USP46: variants seen among roughly 807,000 people sequenced by gnomAD.
USP46 encodes ubiquitin specific peptidase 46.
In USP46, 12 loss-of-function variants were observed where a neutral mutation model predicts 44.4. That is an observed-to-expected ratio of 0.27 (90% CI 0.17 to 0.44). The LOEUF (loss-of-function observed/expected upper bound fraction) is 0.44, where lower values mean the gene tolerates loss of function less well. Among genes scored for constraint, USP46 ranks in the 20% least tolerant of loss-of-function variants. The pLI, the probability that USP46 is intolerant of heterozygous loss-of-function variation, is 1.00. For missense variants in USP46, 248 were observed against 444.8 expected (o/e 0.56, Z 3.98); for synonymous variants, 155 against 161.5 (o/e 0.96, Z 0.31).
intron 1 of USP46, among the ~76,000 whole-genome samples, chr4:52,658,537 C>A (rs969892201): frequency 6.6e-6 from 1 of 152,208 alleles, no homozygotes; most frequent in Non-Finnish European, 1.5e-5. Context: ...CTGAGGCATG[C>A]GGAGCAAATT....
At chr4:52,648,988 A>G (rs537919838) in intron 1 of USP46, among the ~76,000 whole-genome samples, 57 of 152,342 alleles carry the variant, frequency 3.7e-4, no homozygotes, top group African/African-American at 1.3e-3. Context: ...CAATGATTAG[A>G]AGAGTCCTGT....
At chr4:52,610,341 A>C (rs936968187) in intron 5 of USP46, among the ~76,000 whole-genome samples, 200 bp downstream of exon 5, 2 of 151,928 alleles carry the variant, frequency 1.3e-5, no homozygotes, top group Non-Finnish European at 2.9e-5. Context: ...TTGACTAATG[A>C]CTTCCATTTT....
intron 4 of USP46, among the ~76,000 whole-genome samples, chr4:52,617,967 A>G (rs975348477): frequency 2.6e-5 from 4 of 152,264 alleles, no homozygotes; most frequent in Non-Finnish European, 5.9e-5. Flanking sequence ...GTTTAAAAGC[A>G]TAAAGAGACC....
At chr4:52,624,456 C>T (rs1415620451) in intron 4 of USP46, among the ~76,000 whole-genome samples, 2 of 152,038 alleles carry the variant, frequency 1.3e-5, no homozygotes, top group Non-Finnish European at 2.9e-5. Flanking sequence ...GGAAGATTAC[C>T]GGTAACTTTT....
At chr4:52,643,676 G>A (rs1413264279) in intron 1 of USP46, among the ~76,000 whole-genome samples, 1 of 152,220 alleles carries the variant, frequency 6.6e-6, no homozygotes, top group Non-Finnish European at 1.5e-5. Flanking sequence ...AACTTGGGAA[G>A]CAGGGGAAAA....
chr4:52,609,887 C>T (rs941195936), intron 5 of USP46, among the ~76,000 whole-genome samples: 3 of 93,908 alleles, frequency 3.2e-5, no homozygotes, highest in Admixed American at 1.2e-4. Flanking sequence ...ACCTAAACCT[C>T]AATTCTATTT....
At chr4:52,645,383 G>A (rs1356419528) in intron 1 of USP46, among the ~76,000 whole-genome samples, 3 of 152,170 alleles carry the variant, frequency 2.0e-5, no homozygotes, top group Non-Finnish European at 4.4e-5. Context: ...CATCTAGAAA[G>A]AAGCTGTGGC....
At chr4:52,653,171 T>C (rs1718829572) in intron 1 of USP46, among the ~76,000 whole-genome samples, 1 of 152,106 alleles carries the variant, frequency 6.6e-6, no homozygotes, top group Non-Finnish European at 1.5e-5. Flanking sequence ...CCAAAAACCC[T>C]TTACTGTTAG....
chr4:52,634,051 G>A (rs576970298), intron 1 of USP46, among the ~76,000 whole-genome samples: 2 of 152,246 alleles, frequency 1.3e-5, no homozygotes, highest in East Asian at 3.9e-4. Flanking sequence ...GCTGGGCCCT[G>A]ATCCTTGGCG....
chr4:52,599,439 G>T (rs921504146), intron 7 of USP46, among the ~76,000 whole-genome samples: 2 of 152,156 alleles, frequency 1.3e-5, no homozygotes, highest in African/African-American at 4.8e-5. Flanking sequence ...GAAGACCAGA[G>T]GGGGCTGAGG....
intron 1 of USP46, among the ~76,000 whole-genome samples, chr4:52,643,824 C>T (rs527484082): frequency 2.0e-5 from 3 of 152,324 alleles, no homozygotes; most frequent in African/African-American, 4.8e-5. Flanking sequence ...CCCAAGCTCA[C>T]TCAGCCAATA....
At chr4:52,653,447 G>A (rs1718840375) in intron 1 of USP46, among the ~76,000 whole-genome samples, 3 of 143,528 alleles carry the variant, frequency 2.1e-5, no homozygotes, top group Admixed American at 7.3e-5. Flanking sequence ...AGAGGTTGCA[G>A]TGAAGCCATC....
chr4:52,603,497 T>A (rs1270689624), intron 6 of USP46, among the ~76,000 whole-genome samples: 2 of 152,124 alleles, frequency 1.3e-5, no homozygotes, highest in Non-Finnish European at 2.9e-5. Flanking sequence ...CTGCCTTGAA[T>A]ACTCCAGAAC....
At chr4:52,609,894 ATTTCTTTTTTTT>A (rs1716863591) in intron 5 of USP46, among the ~76,000 whole-genome samples, 1 of 20,646 alleles carries the variant, frequency 4.8e-5, no homozygotes, top group Admixed American at 5.2e-4. Flanking sequence ...CCTCAATTCT[ATTTCTTTTTTTT>A]TTTTTTTTTT....
intron 1 of USP46, among the ~76,000 whole-genome samples, chr4:52,656,744 G>A (rs1215633932): frequency 6.6e-6 from 1 of 152,154 alleles, no homozygotes; most frequent in African/African-American, 2.4e-5. Flanking sequence ...GCCAACATGT[G>A]TTAGAACCAG....
chr4:52,608,641 C>A (rs970082371), intron 5 of USP46, among the ~76,000 whole-genome samples: 5 of 152,216 alleles, frequency 3.3e-5, no homozygotes, highest in Admixed American at 3.3e-4. Flanking sequence ...AATGCCCAAT[C>A]CCGCACCCCT....
At chr4:52,632,108 C>T (rs184997730) in intron 1 of USP46, among the ~76,000 whole-genome samples, 2 of 152,236 alleles carry the variant, frequency 1.3e-5, no homozygotes, top group East Asian at 3.9e-4. Flanking sequence ...ATCCCCATTG[C>T]ACGGACAAGG....
At chr4:52,602,901 G>C (rs145382181) in intron 6 of USP46, among the ~76,000 whole-genome samples, 3 of 152,150 alleles carry the variant, frequency 2.0e-5, no homozygotes, top group Admixed American at 2.0e-4. Context: ...GTAAAAAGTC[G>C]CAAAGGCAAC....
intron 1 of USP46, among the ~76,000 whole-genome samples, chr4:52,649,846 G>A (rs747920982): frequency 1.4e-4 from 21 of 152,204 alleles, no homozygotes; most frequent in Non-Finnish European, 2.1e-4. Flanking sequence ...TAACATGGTG[G>A]TTTATCAACC....
Sources: gnomAD v4.1 joint callset for allele counts (sites outside exome capture counted in the v4.1 genomes callset) on GRCh38, gnomAD v4.1.1 for gene constraint, MANE v1.5 for transcripts, NCBI Gene and HGNC (gene_info 2026-07-23, HGNC 2026-07-21) for gene names.